CLCA4: variants seen among roughly 807,000 people sequenced by gnomAD.
The protein encoded by CLCA4 is chloride channel accessory 4.
Under a neutral mutation model 78.9 loss-of-function variants are expected in CLCA4, and 69 were observed. That is an observed-to-expected ratio of 0.87 (90% CI 0.72 to 1.07). CLCA4 has a LOEUF of 1.07. Among genes scored for constraint, CLCA4 ranks in the 50% least tolerant of loss-of-function variants. CLCA4 has a pLI of 0.00. For synonymous variants in CLCA4, 362 were observed against 375.8 expected, an observed-to-expected ratio of 0.96 and a Z score of 0.42; for missense variants, 1,133 against 1,095.8, an observed-to-expected ratio of 1.03 and a Z score of -0.48.
chr1:86,574,590 T>A lies in CLCA4; in HGVS notation c.1518T>A (p.Thr506=). 6.2e-7 allele frequency: 1 copy of A among 1,613,358 alleles called. No homozygotes were observed. The change falls in exon 10 of 14, where the codon ACT becomes ACA. Residue 506 remains threonine (T), a synonymous_variant. Coordinates refer to ENST00000370563, the MANE Select transcript of CLCA4 (RefSeq NM_012128.4). ...TLNSNAWMND[T]VIIDSTVGKD... is the part of the protein sequence containing the mutation. ...ATAGTAATGCCTGGATGAACGACACTGTCATAATTGATAGTACAGTGGGAA... is the reference window on the plus strand; with the variant it reads ...ATAGTAATGCCTGGATGAACGACACAGTCATAATTGATAGTACAGTGGGAA...
intron 6 of CLCA4, 48 bp downstream of exon 6, chr1:86,566,068 C>T (rs1335879925): frequency 2.9e-5 from 44 of 1,502,618 alleles, no homozygotes; most frequent in South Asian, 3.6e-5. Flanking sequence ...TTTGAAGATC[C>T]GAGAACACAC....
intron 1 of CLCA4, among the ~76,000 whole-genome samples, chr1:86,549,774 T>C (rs1649604534): frequency 6.6e-6 from 1 of 152,152 alleles, no homozygotes. Context: ...TGGAGAAAAT[T>C]TGGCATTTGG....
intron 9 of CLCA4, among the ~76,000 whole-genome samples, chr1:86,574,194 C>A (rs1650437943): frequency 6.6e-6 from 1 of 152,042 alleles, no homozygotes; most frequent in African/African-American, 2.4e-5. Context: ...AATATATTTA[C>A]TGTCCAGTGC....
At chr1:86,569,432 A>C (rs753865033) in intron 7 of CLCA4, among the ~76,000 whole-genome samples, 1 of 152,004 alleles carries the variant, frequency 6.6e-6, no homozygotes, top group Non-Finnish European at 1.5e-5. Flanking sequence ...ATCTTAAAAA[A>C]CTTCAAAAAA....
chr1:86,553,309 C>T (rs1415293820), intron 1 of CLCA4: 5 of 666,542 alleles, frequency 7.5e-6, no homozygotes, highest in Non-Finnish European at 1.3e-5. Context: ...TCCTGGTGGC[C>T]AACACGTTTC....
chr1:86,558,584 G>T (rs1415024001), intron 1 of CLCA4, among the ~76,000 whole-genome samples: 1 of 152,136 alleles, frequency 6.6e-6, no homozygotes, highest in Non-Finnish European at 1.5e-5. Context: ...TCACAGTTCA[G>T]CATGGCAGGG....
Position 86,575,316 on chromosome 1 carries a change from C to T in CLCA4, c.1684-16C>T. ...TTGACTTTGGATACTTACTATATTT[C>T]TGTTGAAACTTTTAGGTGGGCACTT... On this transcript the variant is annotated splice_polypyrimidine_tract_variant and intron_variant, in intron 10 of 13. Transcript: ENST00000370563. 6.2e-7 allele frequency: 1 copy of T among 1,603,198 alleles called. No individual in the cohort carries two copies. The highest frequency in any genetic ancestry group is 8.5e-7 in the Non-Finnish European group (1 of 1,172,768).
At chr1:86,574,438 C>A in intron 9 of CLCA4, 102 bp from the exon 10 acceptor site, 1 of 850,132 alleles carries the variant, frequency 1.2e-6, no homozygotes, top group Non-Finnish European at 1.9e-6. Context: ...GGTGGTCTGC[C>A]ATTTATAAGC....
intron 1 of CLCA4, chr1:86,552,565 C>T: frequency 1.8e-6 from 1 of 559,580 alleles, no homozygotes; most frequent in South Asian, 2.1e-5. Context: ...CTACGGGAGC[C>T]AGTGCTCACG....
rs1452962947 is a variant in CLCA4, at chr1:86,580,520, T to C, written c.*175T>C. ...TACTTTGATTAAATAAAAACACTCA[T>C]GGATATGTAAAAACTGTCAAGATTA... is the stretch of plus-strand genomic sequence containing the variant. On this transcript the variant is annotated 3_prime_UTR_variant, in exon 14 of 14. Transcript: ENST00000370563. 6.8e-6 allele frequency: 3 copies of C among 443,550 alleles called. No homozygotes were observed. The highest frequency in any genetic ancestry group is 8.8e-5 in the South Asian group (1 of 11,352). The allele number at this position is 443,550 out of a possible 1,614,324, so 27.5% of individuals were successfully genotyped here.
Position 86,575,491 on chromosome 1 carries a change from G to T in CLCA4, c.1843G>T (p.Ala615Ser). The T allele has an allele frequency of 6.2e-7, 1 of 1,613,486 alleles. No homozygotes were observed. The highest frequency in any genetic ancestry group is 8.5e-7 in the Non-Finnish European group (1 of 1,179,586). ...NSFPSPMIVY[A>S]EILQGYVPVL... ...TTTCCCCAGCCCAATGATTGTTTAC[G>T]CAGAAATTCTACAAGGATATGTACC... is the stretch of plus-strand genomic sequence containing the variant. The change falls in exon 11 of 14, where the codon GCA becomes TCA. Residue 615 changes from alanine to serine, a missense_variant. Coordinates refer to ENST00000370563, the MANE Select transcript of CLCA4 (RefSeq NM_012128.4).
chr1:86,548,684 GAAAAAAA>G lies in CLCA4; in HGVS notation c.159+1422_159+1428del, dbSNP rs10615856. On this transcript the variant is annotated intron_variant, in intron 1 of 13. Coordinates refer to ENST00000370563, the MANE Select transcript of CLCA4 (RefSeq NM_012128.4). ...GCAACAGAGCAAGACTCCCTCTCTGGAAAAAAAAAAAAAAAAAAAAAAGAATTGGGAT... is the reference window on the plus strand; with the variant it reads ...GCAACAGAGCAAGACTCCCTCTCTGGAAAAAAAAAAAAAAAGAATTGGGAT... 5.4e-3 allele frequency among the ~76,000 whole-genome samples: 513 copies of G among 94,146 alleles called. 5 individuals carry two copies. Among genetic ancestry groups the G allele is most frequent in the African/African-American group, 0.02 (489 of 25,060 alleles). The allele number at this position is 94,146 out of a possible 152,430, so 61.8% of individuals were successfully genotyped here.
intron 12 of CLCA4, among the ~76,000 whole-genome samples, chr1:86,578,457 A>G (rs1650598284): frequency 6.6e-6 from 1 of 151,834 alleles, no homozygotes; most frequent in African/African-American, 2.4e-5. Flanking sequence ...CCTCCTCCCA[A>G]ACTCCACCCT....
chr1:86,563,451 G>A (rs935106512), intron 3 of CLCA4, among the ~76,000 whole-genome samples: 3 of 151,268 alleles, frequency 2.0e-5, no homozygotes, highest in South Asian at 2.1e-4. Flanking sequence ...TTAACATGTC[G>A]TGGAATAAGA....
chr1:86,553,145 G>A, intron 1 of CLCA4: 2 of 900,088 alleles, frequency 2.2e-6, no homozygotes, highest in Admixed American at 1.8e-5. Flanking sequence ...TGGATCTGCC[G>A]GACCACGTGG....
intron 9 of CLCA4, among the ~76,000 whole-genome samples, chr1:86,573,806 A>C (rs1650428486): frequency 6.6e-6 from 1 of 152,042 alleles, no homozygotes; most frequent in Non-Finnish European, 1.5e-5. Flanking sequence ...TTCTGAAGAT[A>C]CTATTTTGTG....
At chr1:86,558,637 C>T (rs527415881) in intron 1 of CLCA4, among the ~76,000 whole-genome samples, 28 of 152,230 alleles carry the variant, frequency 1.8e-4, no homozygotes, top group African/African-American at 5.5e-4. Flanking sequence ...AGGAAGCAAA[C>T]ATGTCCTTCT....
intron 1 of CLCA4, chr1:86,552,860 G>A (rs761042552): frequency 2.0e-4 from 148 of 744,908 alleles, no homozygotes; most frequent in Non-Finnish European, 2.7e-4. Flanking sequence ...ATATCTGATC[G>A]AGTGATTTGC....
At chr1:86,574,407 G>C (rs1650446713) in intron 9 of CLCA4, 133 bp from the exon 10 acceptor site, 1 of 641,592 alleles carries the variant, frequency 1.6e-6, no homozygotes, top group African/African-American at 1.8e-5. Context: ...TCACCAGCTT[G>C]CAGAGAGATC....
Sources: gnomAD v4.1 joint callset for allele counts (sites outside exome capture counted in the v4.1 genomes callset) on GRCh38, gnomAD v4.1.1 for gene constraint, MANE v1.5 for transcripts, NCBI Gene and HGNC (gene_info 2026-07-23, HGNC 2026-07-21) for gene names.